Variants in RBFOX1 observed in about 807,000 individuals in gnomAD.
RBFOX1 encodes the protein RNA binding fox-1 homolog 1.
RBFOX1 carries 8 observed loss-of-function variants against 57.7 expected under a neutral mutation model. The ratio of observed to expected loss-of-function variants is 0.14; its 90% confidence interval spans 0.08 to 0.25. The LOEUF is 0.25. Among genes scored for constraint, RBFOX1 ranks in the 10% least tolerant of loss-of-function variants. RBFOX1 has a pLI of 1.00. For synonymous variants in RBFOX1, 326 were observed against 222.4 expected (o/e 1.47, Z -4.15); for missense variants, 611 against 548.5 (o/e 1.11, Z -1.14).
intron 3 of RBFOX1, among the ~76,000 whole-genome samples, chr16:6,725,165 C>T (rs942178707): frequency 2.0e-5 from 3 of 150,516 alleles, no homozygotes; most frequent in Non-Finnish European, 3.0e-5. Flanking sequence ...ATTCTCCTGC[C>T]TCAGCCTCCC....
rs79370210 is a variant in RBFOX1, at chr16:6,959,614, C to T, written c.-15-92443C>T. ...CAGGCAGGCCTCTGTAACAACTGTT[C>T]CAGCACTGACTGAGTGGTTACGTTA... On this transcript the variant is annotated intron_variant, in intron 3 of 15. Coordinates refer to ENST00000550418, the MANE Select transcript of RBFOX1 (RefSeq NM_018723.4). Among the ~76,000 whole-genome samples, 1,003 of 152,210 alleles carry T rather than the reference C, an allele frequency of 6.6e-3. 45 individuals are homozygous for T. In the South Asian group the frequency reaches 0.12, roughly 18 times the overall value.
At chr16:7,115,035 A>G (rs1478238542) in intron 4 of RBFOX1, among the ~76,000 whole-genome samples, 1 of 152,204 alleles carries the variant, frequency 6.6e-6, no homozygotes, top group African/African-American at 2.4e-5. Flanking sequence ...ATGCTTCTTC[A>G]CCTTCTTCAA....
At chr16:6,929,699 A>C (rs538040480) in intron 3 of RBFOX1, among the ~76,000 whole-genome samples, 1 of 146,692 alleles carries the variant, frequency 6.8e-6, no homozygotes, top group African/African-American at 2.6e-5. Context: ...ATGTGTTACT[A>C]CGGGGTTATT....
chr16:5,957,021 A>C (rs191573794), intron 4 of RBFOX1, among the ~76,000 whole-genome samples: 1 of 152,074 alleles, frequency 6.6e-6, no homozygotes, highest in Admixed American at 6.6e-5. Flanking sequence ...GTAGCTTGAA[A>C]TCAACAGAGT....
Position 7,268,046 on chromosome 16 carries a change from G to C in RBFOX1, c.27+215948G>C, listed in dbSNP as rs146490124. ...TGTAGCCTACGACACATCTAGGCTA[G>C]GTGATCTAGCTTATTGCATCTAGGC... On this transcript the variant is annotated intron_variant, in intron 4 of 15. Transcript: ENST00000550418. 1.7e-3 allele frequency among the ~76,000 whole-genome samples: 261 copies of C among 152,294 alleles called. 3 individuals carry two copies. The highest frequency in any genetic ancestry group is 6.2e-3 in the African/African-American group (259 of 41,568).
At chr16:6,818,304 C>T (rs1046725391) in intron 3 of RBFOX1, among the ~76,000 whole-genome samples, 2 of 152,088 alleles carry the variant, frequency 1.3e-5, no homozygotes, top group African/African-American at 4.8e-5. Flanking sequence ...TCTTTCATTA[C>T]TATGAGAATC....
chr16:5,746,603 C>G (rs2052991804), intron 3 of RBFOX1, among the ~76,000 whole-genome samples: 1 of 152,182 alleles, frequency 6.6e-6, no homozygotes, highest in Admixed American at 6.5e-5. Context: ...TTTGTGTCCT[C>G]TTTTATTTCA....
At chr16:7,366,573 G>A (rs1329920606) in intron 4 of RBFOX1, among the ~76,000 whole-genome samples, 1 of 152,070 alleles carries the variant, frequency 6.6e-6, no homozygotes, top group Non-Finnish European at 1.5e-5. Context: ...TAGTCGGCTT[G>A]TGTCCTAGTT....
chr16:7,706,180 G>T (rs188505489), intron 14 of RBFOX1, among the ~76,000 whole-genome samples: 11 of 152,262 alleles, frequency 7.2e-5, no homozygotes, highest in Non-Finnish European at 7.4e-5. Context: ...TCACACAAGG[G>T]CGTGTTCAGA....
chr16:6,668,479 G>A (rs1459511593), intron 3 of RBFOX1, among the ~76,000 whole-genome samples: 1 of 152,196 alleles, frequency 6.6e-6, no homozygotes, highest in Non-Finnish European at 1.5e-5. Context: ...TTTTGGATTT[G>A]CAGCTTAACA....
At position 6,614,540 on chromosome 16, in the gene RBFOX1, C is replaced by T. The variant is rs1285723783; in HGVS notation, c.-63-40063C>T. ...GGCTGCTGTAACTGAGTATCACAGA[C>T]TGGACGACTTAGAACATCAGAAATG... On this transcript the variant is annotated intron_variant, in intron 2 of 15. Transcript: ENST00000550418. Among the ~76,000 whole-genome samples, 3 of 152,162 alleles carry T rather than the reference C, an allele frequency of 2.0e-5. No homozygotes were observed. In the East Asian group the frequency reaches 5.8e-4, roughly 29 times the overall value.
intron 12 of RBFOX1, among the ~76,000 whole-genome samples, chr16:7,659,614 C>T (rs1205459755): frequency 1.3e-5 from 2 of 152,202 alleles, no homozygotes; most frequent in Non-Finnish European, 2.9e-5. Context: ...AAAAGAATCT[C>T]ATAATGTTTT....
chr16:6,517,377 G>A (rs76355328), intron 2 of RBFOX1, among the ~76,000 whole-genome samples: 20 of 152,168 alleles, frequency 1.3e-4, no homozygotes, highest in South Asian at 1.2e-3. Context: ...CTGGAGGGTC[G>A]TCAATTAATC....
chr16:6,876,628 A>G (rs978050015), intron 3 of RBFOX1, among the ~76,000 whole-genome samples: 39 of 149,986 alleles, frequency 2.6e-4, no homozygotes, highest in African/African-American at 9.6e-4. Context: ...ACTTGTATCT[A>G]TTTTTTTTTT....
intron 3 of RBFOX1, among the ~76,000 whole-genome samples, chr16:5,703,739 G>A (rs1408120407): frequency 2.0e-5 from 3 of 152,102 alleles, no homozygotes; most frequent in African/African-American, 7.2e-5. Flanking sequence ...AGTGTCAAAT[G>A]TGTGTGTATA....
chr16:7,029,946 C>T (rs1309847508), intron 3 of RBFOX1, among the ~76,000 whole-genome samples: 2 of 152,186 alleles, frequency 1.3e-5, no homozygotes, highest in East Asian at 1.9e-4. Context: ...ATGGGGTAGA[C>T]ACATGATGTG....
At chr16:6,941,813 A>C (rs993916968) in intron 3 of RBFOX1, among the ~76,000 whole-genome samples, 3 of 152,090 alleles carry the variant, frequency 2.0e-5, no homozygotes, top group African/African-American at 7.2e-5. Flanking sequence ...CCTAACAAAT[A>C]AGAATGAGCT....
intron 1 of RBFOX1, among the ~76,000 whole-genome samples, chr16:6,300,226 C>T (rs1249527074): frequency 1.3e-5 from 2 of 152,154 alleles, no homozygotes; most frequent in Non-Finnish European, 2.9e-5. Context: ...AAGGATACAA[C>T]ATTTCAATTA....
intron 4 of RBFOX1, among the ~76,000 whole-genome samples, chr16:5,882,638 T>C (rs895371089): frequency 6.6e-6 from 1 of 152,164 alleles, no homozygotes; most frequent in African/African-American, 2.4e-5. Context: ...GAGGGGACAC[T>C]CTCACAGTAG....
Sources: allele counts gnomAD v4.1 joint callset (sites outside exome capture counted in the v4.1 genomes callset), GRCh38; gene constraint gnomAD v4.1.1; transcripts MANE v1.5; gene names NCBI Gene and HGNC (gene_info 2026-07-23, HGNC 2026-07-21).